Variants in MYRIP observed in about 807,000 individuals in gnomAD.
The protein encoded by MYRIP is myosin VIIA and Rab interacting protein.
Under a neutral mutation model 98.0 loss-of-function variants are expected in MYRIP, and 49 were observed. That is an observed-to-expected ratio of 0.50 (90% confidence interval 0.40 to 0.63). The LOEUF is 0.63. Among genes scored for constraint, MYRIP ranks in the 30% least tolerant of loss-of-function variants. The pLI is 0.00. For missense variants in MYRIP, 1,004 were observed against 1,058.2 expected, an observed-to-expected ratio of 0.95 and a Z score of 0.71; for synonymous variants, 404 against 409.5, an observed-to-expected ratio of 0.99 and a Z score of 0.16.
intron 1 of MYRIP, among the ~76,000 whole-genome samples, chr3:39,884,731 C>T (rs1045819416): frequency 7.2e-5 from 11 of 151,850 alleles, no homozygotes; most frequent in Admixed American, 4.6e-4. Flanking sequence ...TTTCCATATT[C>T]GCTCATAAAT....
intron 1 of MYRIP, among the ~76,000 whole-genome samples, chr3:39,872,395 G>C (rs1278988184): frequency 6.6e-6 from 1 of 151,600 alleles, no homozygotes; most frequent in Non-Finnish European, 1.5e-5. Context: ...GTGCAGGTTA[G>C]TTACATATGT....
intron 16 of MYRIP, among the ~76,000 whole-genome samples, chr3:40,252,597 G>C (rs1183050304): frequency 6.6e-6 from 1 of 152,154 alleles, no homozygotes; most frequent in Non-Finnish European, 1.5e-5. Flanking sequence ...GTATTAACTA[G>C]AAATAACTAT....
chr3:40,095,861 A>G (rs193106644), intron 3 of MYRIP, among the ~76,000 whole-genome samples: 8 of 147,596 alleles, frequency 5.4e-5, no homozygotes, highest in Admixed American at 2.7e-4. Flanking sequence ...GCCCTCTCCC[A>G]CTTGTCCTTC....
intron 3 of MYRIP, chr3:40,071,067 T>G: frequency 4.4e-6 from 4 of 912,874 alleles, no homozygotes; most frequent in Non-Finnish European, 5.2e-6. Flanking sequence ...CATTTGCCTT[T>G]TGACATAAGA....
intron 4 of MYRIP, among the ~76,000 whole-genome samples, chr3:40,160,735 C>A (rs138383572): frequency 0.01 from 1,523 of 152,300 alleles, 8 homozygotes; most frequent in Middle Eastern, 0.017. Flanking sequence ...GCGCAGTATT[C>A]GGGTGGGAGT....
At chr3:40,118,786 T>C (rs186711526) in intron 3 of MYRIP, among the ~76,000 whole-genome samples, 25 of 151,898 alleles carry the variant, frequency 1.6e-4, no homozygotes, top group African/African-American at 6.0e-4. Context: ...TGGGGTGTGA[T>C]GTTCCCCTTC....
intron 3 of MYRIP, among the ~76,000 whole-genome samples, chr3:40,050,152 G>A (rs1244505018): frequency 2.0e-5 from 3 of 152,160 alleles, no homozygotes; most frequent in Non-Finnish European, 4.4e-5. Flanking sequence ...CTAAACAATA[G>A]ATTTCATCAA....
intron 2 of MYRIP, among the ~76,000 whole-genome samples, chr3:39,987,007 T>A (rs1946046992): frequency 6.6e-6 from 1 of 152,142 alleles, no homozygotes; most frequent in African/African-American, 2.4e-5. Context: ...ATTATTATTA[T>A]TTTTTAAGTT....
intron 2 of MYRIP, among the ~76,000 whole-genome samples, chr3:40,038,329 A>T (rs908199818): frequency 7.2e-5 from 11 of 152,144 alleles, no homozygotes; most frequent in Admixed American, 1.3e-4. Flanking sequence ...AGTTTACTTT[A>T]AAAAATTTTA....
intron 3 of MYRIP, among the ~76,000 whole-genome samples, chr3:40,113,042 T>C (rs148017922): frequency 3.4e-4 from 52 of 152,322 alleles, no homozygotes; most frequent in Non-Finnish European, 6.0e-4. Flanking sequence ...CAGACTGTAT[T>C]AAGAACCCAG....
chr3:40,164,146 C>T (rs115244079), intron 5 of MYRIP, among the ~76,000 whole-genome samples: 2,302 of 152,214 alleles, frequency 0.015, 29 homozygotes, highest in Non-Finnish European at 0.024. Context: ...TTCAGTCCCT[C>T]TCCTCATTTC....
intron 2 of MYRIP, among the ~76,000 whole-genome samples, chr3:39,995,868 TG>T: frequency 6.6e-6 from 1 of 151,970 alleles, no homozygotes; most frequent in African/African-American, 2.4e-5. Context: ...CAGAAGAGAG[TG>T]GGGGCCAATA....
intron 10 of MYRIP, among the ~76,000 whole-genome samples, chr3:40,202,743 G>A (rs1043820827): frequency 2.0e-4 from 30 of 152,048 alleles, no homozygotes; most frequent in African/African-American, 7.2e-4. Context: ...CTCAGCCTTT[G>A]TCTTCATCAA....
rs958726512 is a variant in MYRIP, at chr3:40,259,199, G to T, written c.*1033G>T. On this transcript the variant is annotated 3_prime_UTR_variant, in exon 17 of 17. Coordinates refer to ENST00000302541, the MANE Select transcript of MYRIP (RefSeq NM_015460.4). ...TCAAGGACAAACTGTGCATTTAATG[G>T]ACACAAGAATTGACTCTAACTCCAT... 5.3e-5 allele frequency: 8 copies of T among 152,154 alleles called. No homozygotes were observed. The highest frequency in any genetic ancestry group is 3.9e-4 in the Admixed American group (6 of 15,278). The allele number at this position is 152,154 out of a possible 1,614,324, so 9.4% of individuals were successfully genotyped here. A position where few individuals can be genotyped will look rare whatever the true frequency, so the allele number is the denominator to read the frequency against.
At chr3:39,871,694 A>C (rs1942794511) in intron 1 of MYRIP, among the ~76,000 whole-genome samples, 1 of 152,120 alleles carries the variant, frequency 6.6e-6, no homozygotes, top group Admixed American at 6.5e-5. Flanking sequence ...CATTATTATT[A>C]ATGATTATCA....
chr3:40,035,923 A>G (rs1464985805), intron 2 of MYRIP, among the ~76,000 whole-genome samples: 1 of 151,994 alleles, frequency 6.6e-6, no homozygotes, highest in Non-Finnish European at 1.5e-5. Flanking sequence ...TGAACAAAGA[A>G]TTATTAAAAT....
intron 10 of MYRIP, among the ~76,000 whole-genome samples, chr3:40,204,224 A>AT (rs1553626915): frequency 1.9e-4 from 1 of 5,364 alleles, no homozygotes; most frequent in East Asian, 0.023. Flanking sequence ...ATTATATATA[A>AT]ATATATATAT....
At position 39,818,841 on chromosome 3, in the gene MYRIP, A is replaced by G. The variant is rs9857167; in HGVS notation, c.-31+8925A>G. Among the ~76,000 whole-genome samples, 926 of 152,314 alleles carry G rather than the reference A, an allele frequency of 6.1e-3. 11 individuals carry two copies. The highest frequency in any genetic ancestry group is 0.02 in the African/African-American group (850 of 41,566). On this transcript the variant is annotated intron_variant, in intron 1 of 16. Coordinates refer to ENST00000302541, the MANE Select transcript of MYRIP (RefSeq NM_015460.4). Reference sequence around the variant, plus strand: ...AGTGACAATACTAATTTAAATTTCTATAGCAATGTAGATGGATTGTATCTG... The same window carrying G: ...AGTGACAATACTAATTTAAATTTCTGTAGCAATGTAGATGGATTGTATCTG...
At chr3:39,878,071 C>T (rs1021277268) in intron 1 of MYRIP, among the ~76,000 whole-genome samples, 21 of 152,352 alleles carry the variant, frequency 1.4e-4, no homozygotes, top group African/African-American at 1.7e-4. Flanking sequence ...CCCCCAGCCT[C>T]GCTGCCACCT....
Sources: allele counts gnomAD v4.1 joint callset (sites outside exome capture counted in the v4.1 genomes callset), GRCh38; gene constraint gnomAD v4.1.1; transcripts MANE v1.5; gene names NCBI Gene and HGNC (gene_info 2026-07-23, HGNC 2026-07-21).